Variants in SLC4A10 observed in about 807,000 individuals in gnomAD.
The protein encoded by SLC4A10 is sodium-driven chloride bicarbonate exchanger.
SLC4A10 carries 42 observed loss-of-function variants against 137.7 expected under a neutral mutation model. The ratio of observed to expected loss-of-function variants is 0.30; its 90% confidence interval spans 0.24 to 0.39. The LOEUF (loss-of-function observed/expected upper bound fraction) is 0.39, where lower values mean the gene tolerates loss of function less well. Among genes scored for constraint, SLC4A10 ranks in the 10% least tolerant of loss-of-function variants. The pLI is 1.00. For missense variants in SLC4A10, 925 were observed against 1,355.0 expected (o/e 0.68, Z 4.98); for synonymous variants, 474 against 464.1 (o/e 1.02, Z -0.27).
intron 1 of SLC4A10, among the ~76,000 whole-genome samples, chr2:161,642,848 G>T (rs1574056711): frequency 6.6e-6 from 1 of 152,000 alleles, no homozygotes; most frequent in African/African-American, 2.4e-5. Flanking sequence ...CCCATTTTAA[G>T]TCAATAGTTT....
chr2:161,896,257 T>A (rs1438522565), intron 11 of SLC4A10, among the ~76,000 whole-genome samples: 23 of 151,912 alleles, frequency 1.5e-4, no homozygotes, highest in Non-Finnish European at 1.8e-4. Context: ...GGCTCTGTTC[T>A]GTTCCATTGA....
intron 2 of SLC4A10, among the ~76,000 whole-genome samples, chr2:161,781,714 A>G (rs2053038150): frequency 6.6e-6 from 1 of 152,020 alleles, no homozygotes; most frequent in African/African-American, 2.4e-5. Flanking sequence ...GTGGAGTAGG[A>G]AACCTTCGTC....
At chr2:161,629,515 A>C (rs550706220) in intron 1 of SLC4A10, among the ~76,000 whole-genome samples, 3 of 151,904 alleles carry the variant, frequency 2.0e-5, no homozygotes, top group Non-Finnish European at 2.9e-5. Context: ...CATTAACAAG[A>C]TCTCTCACCA....
intron 19 of SLC4A10, among the ~76,000 whole-genome samples, chr2:161,955,334 A>T (rs1053386235): frequency 6.6e-6 from 1 of 152,178 alleles, no homozygotes; most frequent in Non-Finnish European, 1.5e-5. Flanking sequence ...ACTGTTTCCT[A>T]TGCTTTTTTG....
At chr2:161,643,228 G>A (rs558345883) in intron 1 of SLC4A10, among the ~76,000 whole-genome samples, 6 of 152,154 alleles carry the variant, frequency 3.9e-5, no homozygotes, top group African/African-American at 1.4e-4. Flanking sequence ...TGAGGAATGT[G>A]CTGTTGTGCT....
At chr2:161,731,271 T>A (rs901899546) in intron 1 of SLC4A10, among the ~76,000 whole-genome samples, 2 of 152,176 alleles carry the variant, frequency 1.3e-5, no homozygotes, top group African/African-American at 4.8e-5. Flanking sequence ...TTGAATATTT[T>A]CCTCTATTTT....
At chr2:161,762,005 A>G (rs1400777735) in intron 1 of SLC4A10, among the ~76,000 whole-genome samples, 3 of 152,090 alleles carry the variant, frequency 2.0e-5, no homozygotes, top group South Asian at 2.1e-4. Flanking sequence ...TCTTGTATGT[A>G]TAAAGATGAA....
intron 1 of SLC4A10, among the ~76,000 whole-genome samples, chr2:161,676,800 T>C (rs1027583477): frequency 2.0e-5 from 3 of 152,052 alleles, no homozygotes; most frequent in African/African-American, 7.2e-5. Flanking sequence ...GTTTAGAAAA[T>C]GCAGGGCTGC....
chr2:161,970,881 C>T (rs539849565), intron 23 of SLC4A10, among the ~76,000 whole-genome samples: 3 of 152,174 alleles, frequency 2.0e-5, no homozygotes, highest in Non-Finnish European at 2.9e-5. Flanking sequence ...TTATCTCTTC[C>T]GCCTCTACTC....
At chr2:161,839,690 T>A in intron 3 of SLC4A10, 99 bp from the exon 4 acceptor site, 1 of 1,351,740 alleles carries the variant, frequency 7.4e-7, no homozygotes, top group Non-Finnish European at 1.0e-6. Flanking sequence ...CTTGGGGTGG[T>A]GCGAGCTTGG....
chr2:161,969,205 T>C (rs573940842), intron 23 of SLC4A10, among the ~76,000 whole-genome samples: 1 of 152,296 alleles, frequency 6.6e-6, no homozygotes, highest in Admixed American at 6.5e-5. Flanking sequence ...CCATTTCTGG[T>C]CTTATGGCAC....
At chr2:161,672,511 T>C (rs1397254795) in intron 1 of SLC4A10, among the ~76,000 whole-genome samples, 1 of 122,078 alleles carries the variant, frequency 8.2e-6, no homozygotes, top group Non-Finnish European at 1.9e-5. Context: ...CTAAAAAAAA[T>C]TTTTTTTTTT....
chr2:161,641,448 C>T (rs1264237150), intron 1 of SLC4A10, among the ~76,000 whole-genome samples: 1 of 152,038 alleles, frequency 6.6e-6, no homozygotes, highest in African/African-American at 2.4e-5. Context: ...GCTCATAATG[C>T]TGATTTAATA....
intron 3 of SLC4A10, among the ~76,000 whole-genome samples, chr2:161,824,159 A>G (rs1477897009): frequency 5.3e-5 from 8 of 152,220 alleles, no homozygotes; most frequent in African/African-American, 1.9e-4. Flanking sequence ...TGAAGGTGTT[A>G]AAGTGATCTA....
chr2:161,708,893 A>G (rs905396132), intron 1 of SLC4A10: 241 of 1,458,458 alleles, frequency 1.7e-4, no homozygotes, highest in Non-Finnish European at 2.1e-4. Flanking sequence ...TCTAGTTCTT[A>G]CTCATTGAAA....
intron 15 of SLC4A10, among the ~76,000 whole-genome samples, chr2:161,923,887 A>G (rs77321208): frequency 0.015 from 2,307 of 152,258 alleles, 54 homozygotes; most frequent in African/African-American, 0.053. Context: ...TTCACTTTAT[A>G]CATAAGGAAA....
At chr2:161,805,451 C>T (rs2055836682) in intron 3 of SLC4A10, among the ~76,000 whole-genome samples, 1 of 152,138 alleles carries the variant, frequency 6.6e-6, no homozygotes, top group Non-Finnish European at 1.5e-5. Context: ...TCCAAAATCT[C>T]ATCTGAGATA....
chr2:161,982,630 G>C (rs534727939), intron 26 of SLC4A10, among the ~76,000 whole-genome samples: 4 of 152,188 alleles, frequency 2.6e-5, no homozygotes, highest in African/African-American at 9.7e-5. Context: ...TAAAGAGATA[G>C]CACAGGTGTC....
chr2:161,624,430 C>T lies in SLC4A10; in HGVS notation c.-89C>T. On this transcript the variant is annotated 5_prime_UTR_variant, in exon 1 of 27. Transcript: ENST00000446997. ...CCTCCTGCTTCAGAGCTACCTGATC[C>T]GAATACTAAGCAGAGCGAGTGCCGG... 1.3e-6 allele frequency: 2 copies of T among 1,544,288 alleles called. No individual in the cohort carries two copies. The highest frequency in any genetic ancestry group is 1.4e-5 in the African/African-American group (1 of 72,796).
Sources: allele counts gnomAD v4.1 joint callset (sites outside exome capture counted in the v4.1 genomes callset), GRCh38; gene constraint gnomAD v4.1.1; transcripts MANE v1.5; gene names NCBI Gene and HGNC (gene_info 2026-07-23, HGNC 2026-07-21).